Variants in GALNT2 observed in about 807,000 individuals in gnomAD.
GALNT2 encodes polypeptide N-acetylgalactosaminyltransferase 2.
Under a neutral mutation model 81.4 loss-of-function variants are expected in GALNT2, and 31 were observed. That is an observed-to-expected ratio of 0.38 (90% CI 0.29 to 0.51). The LOEUF (loss-of-function observed/expected upper bound fraction) is 0.51, where lower values mean the gene tolerates loss of function less well. GALNT2 is among the 20% of genes least tolerant of loss of function. The probability of loss-of-function intolerance (pLI) is 0.87; values close to 1 mark genes in which losing one functional copy is unlikely to be tolerated. For synonymous variants in GALNT2, 303 were observed against 287.4 expected (o/e 1.05, Z -0.55); for missense variants, 629 against 765.7 (o/e 0.82, Z 2.11).
rs146989568 is a variant in GALNT2, at chr1:230,268,111, T to G, written c.1440+2744T>G. Among the ~76,000 whole-genome samples, 5 of 152,120 alleles carry G rather than the reference T, an allele frequency of 3.3e-5. No homozygotes were observed. In the East Asian group the frequency reaches 7.7e-4, roughly 24 times the overall value. The stretch of plus-strand genomic sequence containing the variant: ...TTTCCATCTAGAACCATAGTGAAAA[T>G]CCACCGAAATGCCCTCAGAAAAGTG... On this transcript the variant is annotated intron_variant, in intron 14 of 15. Coordinates refer to ENST00000366672, the MANE Select transcript of GALNT2 (RefSeq NM_004481.5).
At chr1:230,148,265 G>A (rs1379671231) in intron 1 of GALNT2, among the ~76,000 whole-genome samples, 1 of 152,248 alleles carries the variant, frequency 6.6e-6, no homozygotes, top group Admixed American at 6.5e-5. Context: ...CTCAGAGGGA[G>A]AGCCCTGTGG....
intron 3 of GALNT2, among the ~76,000 whole-genome samples, chr1:230,225,435 C>T (rs1054999649): frequency 9.9e-5 from 15 of 152,164 alleles, no homozygotes; most frequent in Admixed American, 2.0e-4. Context: ...GCCTGTTTCC[C>T]GTGGCCCCTT....
intron 2 of GALNT2, among the ~76,000 whole-genome samples, chr1:230,201,901 A>G (rs749326123): frequency 6.6e-5 from 10 of 152,188 alleles, no homozygotes; most frequent in Admixed American, 3.3e-4. Flanking sequence ...CATAAAGAAC[A>G]GGAACCCTGT....
intron 1 of GALNT2, among the ~76,000 whole-genome samples, chr1:230,078,134 C>T (rs991723067): frequency 1.3e-5 from 2 of 152,168 alleles, no homozygotes; most frequent in East Asian, 1.9e-4. Context: ...TTCTTTTTCT[C>T]GTGTGTCACA....
chr1:230,181,588 C>T (rs930094593), intron 2 of GALNT2, among the ~76,000 whole-genome samples: 6 of 151,400 alleles, frequency 4.0e-5, no homozygotes, highest in Non-Finnish European at 8.8e-5. Context: ...AGGGTTTCAC[C>T]ATGTTGGCCA....
intron 2 of GALNT2, among the ~76,000 whole-genome samples, chr1:230,196,605 T>G (rs1311499949): frequency 1.3e-5 from 2 of 152,076 alleles, no homozygotes; most frequent in East Asian, 3.9e-4. Flanking sequence ...TGGGTGTGGG[T>G]CTTGACAGGA....
At chr1:230,223,305 T>G (rs527816033) in intron 3 of GALNT2, among the ~76,000 whole-genome samples, 1 of 152,072 alleles carries the variant, frequency 6.6e-6, no homozygotes, top group African/African-American at 2.4e-5. Flanking sequence ...ATCTCCTACT[T>G]TATTTCACTT....
intron 11 of GALNT2, 67 bp from the exon 12 acceptor site, chr1:230,262,506 A>G: frequency 2.2e-6 from 3 of 1,359,576 alleles, no homozygotes; most frequent in Non-Finnish European, 3.1e-6. Flanking sequence ...GCCAGCAGAC[A>G]GGTGCAAATG....
intron 1 of GALNT2, among the ~76,000 whole-genome samples, chr1:230,170,530 G>A (rs1430020304): frequency 6.6e-6 from 1 of 152,170 alleles, no homozygotes; most frequent in African/African-American, 2.4e-5. Context: ...GAGAACTTTT[G>A]CCATGGTTCA....
At chr1:230,225,986 T>C (rs1337737324) in intron 3 of GALNT2, among the ~76,000 whole-genome samples, 3 of 152,230 alleles carry the variant, frequency 2.0e-5, no homozygotes, top group Non-Finnish European at 4.4e-5. Flanking sequence ...ATGAGTCTTA[T>C]GCTCACTAAA....
At chr1:230,116,752 C>T (rs1393102307) in intron 1 of GALNT2, among the ~76,000 whole-genome samples, 1 of 152,168 alleles carries the variant, frequency 6.6e-6, no homozygotes, top group Non-Finnish European at 1.5e-5. Flanking sequence ...TTAAAATCTT[C>T]AGTAAACCGT....
intron 15 of GALNT2, among the ~76,000 whole-genome samples, chr1:230,277,756 C>T (rs1258659909): frequency 6.6e-6 from 1 of 152,220 alleles, no homozygotes; most frequent in African/African-American, 2.4e-5. Context: ...TCCTCCCTGC[C>T]TCACTCACTG....
chr1:230,262,952 A>T lies in GALNT2; in HGVS notation c.1260A>T (p.Lys420Asn). Reference protein sequence around the residue: ...NIQSRLELRKKLSCKPFKWYL... With the variant: ...NIQSRLELRKNLSCKPFKWYL... ...AGAGCAGATTGGAGCTTAGGAAGAA[A>T]CTCAGCTGCAAGCCTTTCAAATGGT... The change falls in exon 13 of 16, where the codon AAA becomes AAT. Residue 420 changes from lysine to asparagine, a missense_variant. By Grantham distance (94) the Lys-to-Asn change is moderately conservative (BLOSUM62 0). Transcript: ENST00000366672. 1 of 1,614,158 alleles carries T rather than the reference A, an allele frequency of 6.2e-7. No homozygotes were observed. The highest frequency in any genetic ancestry group is 8.5e-7 in the Non-Finnish European group (1 of 1,179,986).
At chr1:230,169,217 T>C (rs780070116) in intron 1 of GALNT2, among the ~76,000 whole-genome samples, 9 of 152,220 alleles carry the variant, frequency 5.9e-5, no homozygotes, top group Non-Finnish European at 1.0e-4. Flanking sequence ...GAGTAAAGGC[T>C]GGACCCCCAG....
intron 1 of GALNT2, among the ~76,000 whole-genome samples, chr1:230,099,068 G>T (rs1209583384): frequency 1.3e-5 from 2 of 152,180 alleles, no homozygotes; most frequent in African/African-American, 4.8e-5. Context: ...ATGTAGCCAA[G>T]GACTTTCAAG....
rs191862704 is a variant in GALNT2, at chr1:230,235,792, C to T, written c.375-222C>T. Among the ~76,000 whole-genome samples, 29 of 152,102 alleles carry T rather than the reference C, an allele frequency of 1.9e-4. No individual in the cohort carries two copies. In the East Asian group the frequency reaches 3.3e-3, roughly 17 times the overall value. On this transcript the variant is annotated intron_variant, in intron 3 of 15. Transcript: ENST00000366672. Reference sequence around the variant, plus strand: ...ATGTTCTCAATATGTTACTTTTTGCCGAAATCGTTCATCTCTCAGAACGTA... The same window carrying T: ...ATGTTCTCAATATGTTACTTTTTGCTGAAATCGTTCATCTCTCAGAACGTA...
intron 1 of GALNT2, among the ~76,000 whole-genome samples, chr1:230,161,983 T>C (rs1662450154): frequency 6.6e-6 from 1 of 152,220 alleles, no homozygotes; most frequent in African/African-American, 2.4e-5. Context: ...CTTTTTGGAA[T>C]AATATGGGGT....
chr1:230,256,758 C>T (rs1037769360), intron 11 of GALNT2, among the ~76,000 whole-genome samples: 2 of 152,196 alleles, frequency 1.3e-5, no homozygotes, highest in African/African-American at 4.8e-5. Flanking sequence ...CAAGCCAGAT[C>T]TCAGGGAGAT....
At chr1:230,191,632 C>G (rs958667696) in intron 2 of GALNT2, among the ~76,000 whole-genome samples, 15 of 152,300 alleles carry the variant, frequency 9.8e-5, no homozygotes, top group African/African-American at 3.1e-4. Flanking sequence ...CTGCTTCAGC[C>G]TCCCACACAG....
Sources: gnomAD v4.1 joint callset for allele counts (sites outside exome capture counted in the v4.1 genomes callset) on GRCh38, gnomAD v4.1.1 for gene constraint, MANE v1.5 for transcripts, NCBI Gene and HGNC (gene_info 2026-07-23, HGNC 2026-07-21) for gene names.